Variants in SFXN1 observed in about 807,000 individuals in gnomAD.
SFXN1 encodes the protein sideroflexin-1.
SFXN1 carries 32 observed loss-of-function variants against 39.5 expected under a neutral mutation model. That is an observed-to-expected ratio of 0.81 (90% CI 0.61 to 1.09). The LOEUF (loss-of-function observed/expected upper bound fraction) is 1.09, where lower values mean the gene tolerates loss of function less well. SFXN1 is among the 50% of genes least tolerant of loss of function. The probability of loss-of-function intolerance (pLI) is 0.00; values close to 1 mark genes in which losing one functional copy is unlikely to be tolerated. For synonymous variants in SFXN1, 136 were observed against 146.5 expected, an observed-to-expected ratio of 0.93 and a Z score of 0.52; for missense variants, 402 against 407.1, an observed-to-expected ratio of 0.99 and a Z score of 0.11.
At position 175,516,667 on chromosome 5, in the gene SFXN1, A is replaced by C. The variant is rs1318485185; in HGVS notation, c.774+4A>C. 1 of 1,612,408 alleles carries C rather than the reference A, an allele frequency of 6.2e-7. No individual in the cohort carries two copies. The highest frequency in any genetic ancestry group is 2.2e-5 in the East Asian group (1 of 44,796). On this transcript the variant is annotated splice_donor_region_variant and intron_variant, in intron 8 of 10. Coordinates refer to ENST00000321442, the MANE Select transcript of SFXN1 (RefSeq NM_022754.7). The stretch of plus-strand genomic sequence containing the variant: ...GGAAAAGAAAGCCTTTTTGAAGGTA[A>C]GCTGTGGTTCTTTTGTCATTTTCTC...
At chr5:175,482,634 T>A (rs565903184) in intron 1 of SFXN1, among the ~76,000 whole-genome samples, 1 of 152,258 alleles carries the variant, frequency 6.6e-6, no homozygotes, top group African/African-American at 2.4e-5. Flanking sequence ...CCACTTTTGT[T>A]TGGTAACTTA....
At chr5:175,494,193 C>T (rs1482056098) in intron 2 of SFXN1, among the ~76,000 whole-genome samples, 1 of 152,172 alleles carries the variant, frequency 6.6e-6, no homozygotes, top group Non-Finnish European at 1.5e-5. Context: ...GAGACCTGCC[C>T]TATTTCAAGC....
chr5:175,512,675 A>G (rs1277645525), intron 6 of SFXN1, among the ~76,000 whole-genome samples: 1 of 152,204 alleles, frequency 6.6e-6, no homozygotes, highest in African/African-American at 2.4e-5. Flanking sequence ...CAACAAAAGC[A>G]TTTTGGAATG....
intron 2 of SFXN1, among the ~76,000 whole-genome samples, chr5:175,494,986 A>C (rs1759804791): frequency 6.6e-6 from 1 of 152,186 alleles, no homozygotes; most frequent in Non-Finnish European, 1.5e-5. Context: ...ATCCTTGTAC[A>C]CTCATGTACA....
intron 2 of SFXN1, among the ~76,000 whole-genome samples, chr5:175,502,330 G>A (rs796750111): frequency 6.6e-6 from 1 of 152,120 alleles, no homozygotes; most frequent in Non-Finnish European, 1.5e-5. Context: ...AGGCAAGAAG[G>A]GGGTCTTGGG....
chr5:175,510,460 A>T, intron 4 of SFXN1: 1 of 453,438 alleles, frequency 2.2e-6, no homozygotes, highest in East Asian at 4.5e-5. Flanking sequence ...TACTGGTAGG[A>T]TGTTACCTCC....
intron 2 of SFXN1, among the ~76,000 whole-genome samples, chr5:175,501,596 ATTGAACTATATCAC>A (rs1200075363): frequency 6.6e-6 from 1 of 152,222 alleles, no homozygotes; most frequent in African/African-American, 2.4e-5. Flanking sequence ...TCTTATCAAT[ATTGAACTATATCAC>A]TTGAACTATA....
At chr5:175,507,564 G>C (rs1760352345) in intron 2 of SFXN1, among the ~76,000 whole-genome samples, 1 of 152,188 alleles carries the variant, frequency 6.6e-6, no homozygotes, top group African/African-American at 2.4e-5. Flanking sequence ...AAAGACTTGA[G>C]TGATTTTAAT....
chr5:175,502,395 G>GCA (rs1334144364), intron 2 of SFXN1, among the ~76,000 whole-genome samples: 2 of 152,200 alleles, frequency 1.3e-5, no homozygotes. Context: ...CCTTCCCAAG[G>GCA]TTAGTTCAGC....
In SFXN1 at chr5:175,508,069, T is replaced by C. The variant is rs573148641; in HGVS notation, c.165-963T>C. Among the ~76,000 whole-genome samples the C allele has an allele frequency of 4.6e-5, 7 of 152,226 alleles. No homozygotes were observed. In the South Asian group the frequency reaches 1.4e-3, roughly 32 times the overall value. On this transcript the variant is annotated intron_variant, in intron 2 of 10. Transcript: ENST00000321442. ...CTTGATTACCATAACTTTTGTCTAA[T>C]TGTTTAAAGTATTTTAGAGTTTACA...
At chr5:175,494,477 G>A (rs1241930628) in intron 2 of SFXN1, among the ~76,000 whole-genome samples, 2 of 152,208 alleles carry the variant, frequency 1.3e-5, no homozygotes, top group African/African-American at 4.8e-5. Context: ...GCCGGGCACA[G>A]TGATTCATGC....
Position 175,513,572 on chromosome 5 carries a change from A to G in SFXN1, c.706A>G (p.Met236Val), listed in dbSNP as rs1429215794. Residue 236 changes from methionine to valine, a missense_variant, in exon 7 of 11, where the codon ATG becomes GTG. Coordinates refer to ENST00000321442, the MANE Select transcript of SFXN1 (RefSeq NM_022754.7). The part of the protein sequence containing the change: ...ITQVVVSRIL[M>V]AAPGMAIPPF... Reference sequence around the variant, plus strand: ...GCAAGTTGTCGTGTCCAGGATTCTCATGGCAGCCCCTGGCATGGGTTAGCA... The same window carrying G: ...GCAAGTTGTCGTGTCCAGGATTCTCGTGGCAGCCCCTGGCATGGGTTAGCA... 1 of 1,612,820 alleles carries G rather than the reference A, an allele frequency of 6.2e-7. No homozygotes were observed. Among genetic ancestry groups the G allele is most frequent in the African/African-American group, 1.3e-5 (1 of 74,992 alleles).
intron 2 of SFXN1, among the ~76,000 whole-genome samples, chr5:175,499,845 G>T (rs761367572): frequency 6.6e-6 from 1 of 152,248 alleles, no homozygotes; most frequent in Non-Finnish European, 1.5e-5. Context: ...GATAGGAAAT[G>T]AAAAAGTAAA....
chr5:175,488,554 C>A (rs1759537526), intron 1 of SFXN1, among the ~76,000 whole-genome samples: 1 of 152,178 alleles, frequency 6.6e-6, no homozygotes, highest in South Asian at 2.1e-4. Flanking sequence ...CCGCCTCGGC[C>A]TTCCAAAGTG....
rs1760618223 is a variant in SFXN1 at position 175,513,747 on chromosome 5, T to C, written c.724+157T>C. On this transcript the variant is annotated intron_variant, in intron 7 of 10. Transcript: ENST00000321442. ...AAACAAGTAAATAAAGTATGTAGTA[T>C]GTGCAGTGGTGATGAGGGCAAGGGG... 10 of 747,614 alleles carry C rather than the reference T, an allele frequency of 1.3e-5. 1 individual carries two copies. Among genetic ancestry groups the C allele is most frequent in the Non-Finnish European group, 1.7e-5 (8 of 473,100 alleles). 46.3% of individuals were successfully genotyped at this position (747,614 alleles called of 1,614,324 possible).
At chr5:175,491,913 AG>A in intron 1 of SFXN1, 181 bp from the exon 2 acceptor site, 1 of 468,032 alleles carries the variant, frequency 2.1e-6, no homozygotes, top group Non-Finnish European at 3.8e-6. Flanking sequence ...AGATCAATTG[AG>A]ATTTATAGAC....
In SFXN1 at chr5:175,528,801, A is replaced by G. The variant is rs1263134521; in HGVS notation, c.*2067A>G. 2 of 152,186 alleles carry G rather than the reference A, an allele frequency of 1.3e-5. No individual in the cohort carries two copies. The highest frequency in any genetic ancestry group is 2.9e-5 in the Non-Finnish European group (2 of 68,050). The allele number at this position is 152,186 out of a possible 1,614,324, so 9.4% of individuals were successfully genotyped here. ...TCTGTTGTCCTCGACGCGTCTCTTT[A>G]TAAAGTGGTAAAAGCCTGAAATTCA... On this transcript the variant is annotated 3_prime_UTR_variant, in exon 11 of 11. Coordinates refer to ENST00000321442, the MANE Select transcript of SFXN1 (RefSeq NM_022754.7).
intron 2 of SFXN1, among the ~76,000 whole-genome samples, chr5:175,503,562 A>G (rs1214522994): frequency 6.6e-6 from 1 of 152,240 alleles, no homozygotes; most frequent in Non-Finnish European, 1.5e-5. Context: ...GTAAAATTAT[A>G]TATCTATTTC....
At chr5:175,499,488 A>C (rs1407344011) in intron 2 of SFXN1, among the ~76,000 whole-genome samples, 1 of 152,214 alleles carries the variant, frequency 6.6e-6, no homozygotes, top group Non-Finnish European at 1.5e-5. Context: ...ACTCAAGTGG[A>C]GTTATAACAA....
Sources: gnomAD v4.1 joint callset for allele counts (sites outside exome capture counted in the v4.1 genomes callset) on GRCh38, gnomAD v4.1.1 for gene constraint, MANE v1.5 for transcripts, NCBI Gene and HGNC (gene_info 2026-07-23, HGNC 2026-07-21) for gene names.